The following ATP8B4 variants were observed in gnomAD, a reference collection of about 807,000 sequenced individuals.
ATP8B4 encodes the protein ATPase phospholipid transporting 8B4 (putative).
A neutral mutation model predicts 145.6 loss-of-function variants in ATP8B4; 133 were observed. That is an observed-to-expected ratio of 0.91 (90% CI 0.79 to 1.05). ATP8B4 has a LOEUF of 1.05. Ranked by LOEUF, ATP8B4 falls within the 50% of genes least tolerant of loss-of-function variation. The probability of loss-of-function intolerance (pLI) is 0.00; values close to 1 mark genes in which losing one functional copy is unlikely to be tolerated. For missense variants in ATP8B4, 1,458 were observed against 1,425.2 expected (o/e 1.02, Z -0.37); for synonymous variants, 507 against 492.9 (o/e 1.03, Z -0.38).
intron 23 of ATP8B4, among the ~76,000 whole-genome samples, chr15:49,891,433 C>T (rs974979867): frequency 6.6e-6 from 1 of 152,116 alleles, no homozygotes; most frequent in African/African-American, 2.4e-5. Flanking sequence ...TCAAGCGATT[C>T]TCCTACCTCA....
intron 24 of ATP8B4, among the ~76,000 whole-genome samples, chr15:49,878,638 G>A (rs1598857962): frequency 6.6e-6 from 1 of 152,208 alleles, no homozygotes; most frequent in East Asian, 1.9e-4. Flanking sequence ...CCCTTTCCAG[G>A]AAGTCCCTTC....
At chr15:50,016,709 T>C (rs550845591) in intron 6 of ATP8B4, among the ~76,000 whole-genome samples, 22 of 152,258 alleles carry the variant, frequency 1.4e-4, no homozygotes, top group African/African-American at 5.1e-4. Flanking sequence ...AGGAGTGTCC[T>C]TAAGGAAAAC....
chr15:50,049,469 AG>A (rs2052001457), intron 3 of ATP8B4, among the ~76,000 whole-genome samples: 1 of 152,222 alleles, frequency 6.6e-6, no homozygotes, highest in South Asian at 2.1e-4. Context: ...GCTGCTGCAA[AG>A]GACATGTTTC....
chr15:50,058,849 T>A (rs866248062), intron 3 of ATP8B4, among the ~76,000 whole-genome samples: 4 of 152,064 alleles, frequency 2.6e-5, no homozygotes, highest in Non-Finnish European at 5.9e-5. Context: ...TGTGGTTTTT[T>A]TTTTGTTGAG....
At chr15:50,123,810 G>GC (rs759412007), upstream of ATP8B4, among the ~76,000 whole-genome samples, 3 of 152,050 alleles carry the variant, frequency 2.0e-5, no homozygotes, top group Admixed American at 6.6e-5. Context: ...CACATCTCCA[G>GC]TTTTTTTCAT....
At chr15:50,173,069 G>A (rs1480668012) in intron 1 of ATP8B4, among the ~76,000 whole-genome samples, 23 of 147,158 alleles carry the variant, frequency 1.6e-4, no homozygotes, top group Non-Finnish European at 2.8e-4. Flanking sequence ...CTCCCCATCC[G>A]GGAGGTGGGG....
intron 1 of ATP8B4, among the ~76,000 whole-genome samples, chr15:50,109,064 G>A (rs1398526352): frequency 6.6e-6 from 1 of 152,150 alleles, no homozygotes; most frequent in East Asian, 1.9e-4. Flanking sequence ...AGTGGCTGCA[G>A]CTTTTTTGGC....
At chr15:49,950,622 A>AAC (rs2043012481) in intron 14 of ATP8B4, among the ~76,000 whole-genome samples, 1 of 137,896 alleles carries the variant, frequency 7.3e-6, no homozygotes, top group African/African-American at 2.5e-5. Context: ...AAACAAACAA[A>AAC]AAAAACAACA....
rs779047801 is a variant in ATP8B4 at position 49,879,438 on chromosome 15, T to A, written c.2719A>T (p.Ile907Phe). Residue 907 changes from isoleucine to phenylalanine, a missense_variant, in exon 24 of 28, where the codon ATC becomes TTC. Coordinates refer to ENST00000284509, the MANE Select transcript of ATP8B4 (RefSeq NM_024837.4). Reference sequence around the variant, plus strand: ...GTGTAAACAATGTTAAAAAGGGTGATGAACCACTGGTCATAAACAGTCTGA... The same window carrying A: ...GTGTAAACAATGTTAAAAAGGGTGAAGAACCACTGGTCATAAACAGTCTGA... ...SAQTVYDQWF[I>F]TLFNIVYTSL... 9 of 1,611,866 alleles carry A rather than the reference T, an allele frequency of 5.6e-6. No individual in the cohort carries two copies. Among genetic ancestry groups the A allele is most frequent in the Non-Finnish European group, 5.9e-6 (7 of 1,178,420 alleles).
intron 14 of ATP8B4, among the ~76,000 whole-genome samples, chr15:49,961,452 T>C (rs1191108204): frequency 6.6e-6 from 1 of 152,200 alleles, no homozygotes; most frequent in African/African-American, 2.4e-5. Flanking sequence ...TAGAAACAGA[T>C]TCTATATTCT....
At chr15:49,956,150 A>G (rs1186665724) in intron 14 of ATP8B4, among the ~76,000 whole-genome samples, 1 of 152,178 alleles carries the variant, frequency 6.6e-6, no homozygotes, top group Non-Finnish European at 1.5e-5. Flanking sequence ...TGACTCAAGT[A>G]TTATCCCTGT....
At position 50,128,495 on chromosome 15, in the gene ATP8B4, G is replaced by C. The variant is rs2057321751; in HGVS notation, c.-42-21487C>G. ...AAATGACAAGATCTGCTTGTGCAAA[G>C]AGAATCCAGAGGACCTGGCATGGAT... is the stretch of plus-strand genomic sequence containing the variant. On this transcript the variant is annotated intron_variant, in intron 1 of 3. Transcript: ENST00000558829. Among the ~76,000 whole-genome samples, 3 of 152,218 alleles carry C rather than the reference G, an allele frequency of 2.0e-5. No homozygotes were observed. In the South Asian group the frequency reaches 6.2e-4, roughly 32 times the overall value.
chr15:50,046,562 A>G (rs562389898), intron 4 of ATP8B4, among the ~76,000 whole-genome samples: 8 of 152,374 alleles, frequency 5.3e-5, no homozygotes, highest in African/African-American at 1.7e-4. Flanking sequence ...TCTTAAATAG[A>G]TATTCAATTA....
chr15:49,877,707 C>T (rs2034692723), intron 24 of ATP8B4, among the ~76,000 whole-genome samples: 1 of 152,020 alleles, frequency 6.6e-6, no homozygotes, highest in Admixed American at 6.6e-5. Flanking sequence ...TTTCCTCATG[C>T]CCAGAAATGC....
intron 24 of ATP8B4, 51 bp from the exon 25 acceptor site, chr15:49,876,574 G>T: frequency 1.2e-6 from 2 of 1,607,286 alleles, no homozygotes; most frequent in Middle Eastern, 1.7e-4. Context: ...GAGTCAGAGA[G>T]GCCTTGTATT....
chr15:50,158,246 C>T (rs1375045314), intron 1 of ATP8B4, among the ~76,000 whole-genome samples: 17 of 151,196 alleles, frequency 1.1e-4, no homozygotes, highest in African/African-American at 4.1e-4. Flanking sequence ...CCCCTCTGCC[C>T]GGCTGCCCAG....
chr15:49,984,912 CCT>C (rs2046455402), intron 10 of ATP8B4, among the ~76,000 whole-genome samples: 1 of 152,076 alleles, frequency 6.6e-6, no homozygotes, highest in South Asian at 2.1e-4. Flanking sequence ...AAGATTTTCT[CCT>C]CTCTTGAGCA....
chr15:49,876,615 T>G, intron 24 of ATP8B4, 92 bp from the exon 25 acceptor site: 1 of 1,534,126 alleles, frequency 6.5e-7, no homozygotes, highest in Non-Finnish European at 8.9e-7. Context: ...AATGCCTGTT[T>G]AAACATGTCC....
intron 1 of ATP8B4, among the ~76,000 whole-genome samples, chr15:50,165,458 A>G (rs1283050437): frequency 6.6e-6 from 1 of 152,034 alleles, no homozygotes. Flanking sequence ...ATAGCTGCTC[A>G]ATTTGGTGTT....
Sources: gnomAD v4.1 joint callset for allele counts (sites outside exome capture counted in the v4.1 genomes callset) on GRCh38, gnomAD v4.1.1 for gene constraint, MANE v1.5 for transcripts, NCBI Gene and HGNC (gene_info 2026-07-23, HGNC 2026-07-21) for gene names.